Variants in GPR39 observed in about 807,000 individuals in gnomAD.
GPR39 encodes G protein-coupled receptor 39.
Under a neutral mutation model 18.4 loss-of-function variants are expected in GPR39, and 23 were observed. The observed-to-expected ratio is 1.25, with a 90% CI of 0.90 to 1.77. GPR39 has a LOEUF of 1.77. Ranked by LOEUF, GPR39 falls within the 40% of genes most tolerant of loss-of-function variation. The probability of loss-of-function intolerance (pLI) is 0.00; values close to 1 mark genes in which losing one functional copy is unlikely to be tolerated. For missense variants in GPR39, 647 were observed against 602.4 expected (o/e 1.07, Z -0.78); for synonymous variants, 280 against 257.9 (o/e 1.09, Z -0.82).
intron 1 of GPR39, among the ~76,000 whole-genome samples, chr2:132,556,348 A>G (rs538570868): frequency 6.6e-6 from 1 of 152,306 alleles, no homozygotes; most frequent in South Asian, 2.1e-4. Flanking sequence ...GCCAGTTTCC[A>G]TAGTGTAAAT....
intron 1 of GPR39, among the ~76,000 whole-genome samples, chr2:132,558,784 C>T (rs532428666): frequency 2.0e-4 from 31 of 152,196 alleles, no homozygotes; most frequent in African/African-American, 5.8e-4. Context: ...TTGGAAAGGA[C>T]GACTCCTAAG....
chr2:132,435,496 T>C (rs1228587321), intron 1 of GPR39, among the ~76,000 whole-genome samples: 1 of 152,214 alleles, frequency 6.6e-6, no homozygotes, highest in Non-Finnish European at 1.5e-5. Context: ...TTGTTATTGG[T>C]AAGGCTTCCA....
In GPR39 at chr2:132,417,749, T is replaced by C. The variant is rs1679936265; in HGVS notation, c.707T>C (p.Leu236Pro). The part of the protein sequence containing the change: ...GAFVVYLVVL[L>P]SVAFMCWNMM... ...TTCGTGGTCTACCTCGTGGTCCTGC[T>C]CTCCGTAGCCTTCATGTGCTGGAAC... Residue 236 changes from leucine (L) to proline (P), a missense_variant, in exon 1 of 2, where the codon CTC becomes CCC. Physicochemically the swap from Leu to Pro is moderately conservative, Grantham distance 98. Coordinates refer to ENST00000329321, the MANE Select transcript of GPR39 (RefSeq NM_001508.3). 1 of 1,614,152 alleles carries C rather than the reference T, an allele frequency of 6.2e-7. No homozygotes were observed. Among genetic ancestry groups the C allele is most frequent in the Non-Finnish European group, 8.5e-7 (1 of 1,180,032 alleles).
At chr2:132,597,192 AG>A (rs1388200711) in intron 1 of GPR39, among the ~76,000 whole-genome samples, 4 of 152,178 alleles carry the variant, frequency 2.6e-5, no homozygotes, top group African/African-American at 7.2e-5. Context: ...TAGACACCCA[AG>A]TGGAAAGCTG....
intron 1 of GPR39, among the ~76,000 whole-genome samples, chr2:132,541,267 A>G (rs866172320): frequency 1.7e-4 from 26 of 152,164 alleles, no homozygotes; most frequent in Middle Eastern, 3.4e-3. Flanking sequence ...TATTTTTAGT[A>G]GAGACAGGAT....
At chr2:132,582,827 A>G (rs1043527579) in intron 1 of GPR39, among the ~76,000 whole-genome samples, 2 of 151,568 alleles carry the variant, frequency 1.3e-5, no homozygotes, top group Non-Finnish European at 2.9e-5. Flanking sequence ...GTTGCAACCC[A>G]TTTGTGACTT....
rs1682037192 is a variant in GPR39 at position 132,645,797 on chromosome 2, C to T, written c.*191C>T. ...CAGCCTGGCCTTGACTCCGGTTACA[C>T]AGACATGGGGGTGAACTTTCACTCC... is the stretch of plus-strand genomic sequence containing the variant. On this transcript the variant is annotated 3_prime_UTR_variant, in exon 2 of 2. Coordinates refer to ENST00000329321, the MANE Select transcript of GPR39 (RefSeq NM_001508.3). The T allele has an allele frequency of 3.8e-6, 3 of 792,188 alleles. No homozygotes were observed. Among genetic ancestry groups the T allele is most frequent in the Non-Finnish European group, 5.8e-6 (3 of 513,268 alleles). The allele number at this position is 792,188 out of a possible 1,614,324, so 49.1% of individuals were successfully genotyped here.
At chr2:132,509,385 G>A (rs1366858542) in intron 1 of GPR39, among the ~76,000 whole-genome samples, 1 of 152,072 alleles carries the variant, frequency 6.6e-6, no homozygotes, top group Non-Finnish European at 1.5e-5. Context: ...TGATAAATTT[G>A]ATATTTCTCC....
At chr2:132,427,918 A>T (rs3035851) in intron 1 of GPR39, among the ~76,000 whole-genome samples, 4 of 128,768 alleles carry the variant, frequency 3.1e-5, no homozygotes, top group South Asian at 4.6e-4. Context: ...ATTATATTTA[A>T]ATATATATAT....
intron 1 of GPR39, among the ~76,000 whole-genome samples, chr2:132,641,536 C>A (rs1573713978): frequency 6.6e-6 from 1 of 152,118 alleles, no homozygotes; most frequent in African/African-American, 2.4e-5. Flanking sequence ...GTGTCTCTTC[C>A]CAACTGAGGC....
At chr2:132,588,261 C>A (rs1039667666) in intron 1 of GPR39, among the ~76,000 whole-genome samples, 7 of 152,206 alleles carry the variant, frequency 4.6e-5, no homozygotes, top group Non-Finnish European at 8.8e-5. Flanking sequence ...GTTCTCTTCG[C>A]ACTTGCACCT....
intron 1 of GPR39, among the ~76,000 whole-genome samples, chr2:132,513,690 G>A (rs1260176017): frequency 6.6e-6 from 1 of 152,228 alleles, no homozygotes; most frequent in African/African-American, 2.4e-5. Context: ...CAGCTTAAGA[G>A]TATCTTTTCA....
intron 1 of GPR39, among the ~76,000 whole-genome samples, chr2:132,634,099 AG>A (rs1558865910): frequency 4.2e-5 from 6 of 143,626 alleles, no homozygotes; most frequent in African/African-American, 1.8e-4. Context: ...GTGGTGATGG[AG>A]GGTGATGATG....
chr2:132,435,633 C>T (rs185896784), intron 1 of GPR39, among the ~76,000 whole-genome samples: 373 of 152,208 alleles, frequency 2.5e-3, no homozygotes, highest in Admixed American at 8.4e-3. Context: ...ACTGTAGTTG[C>T]CTATAGTGAC....
intron 1 of GPR39, among the ~76,000 whole-genome samples, chr2:132,536,081 G>A (rs1043636935): frequency 6.7e-6 from 1 of 149,472 alleles, no homozygotes; most frequent in South Asian, 2.1e-4. Flanking sequence ...TTCAGTTCTG[G>A]TCTGATCTTA....
chr2:132,607,983 C>A (rs1027868240), intron 1 of GPR39, among the ~76,000 whole-genome samples: 1 of 152,060 alleles, frequency 6.6e-6, no homozygotes, highest in Non-Finnish European at 1.5e-5. Flanking sequence ...CAGAGCAATT[C>A]TCTGGTTTTG....
chr2:132,470,794 C>G (rs1173606357), intron 1 of GPR39, among the ~76,000 whole-genome samples: 2 of 152,022 alleles, frequency 1.3e-5, no homozygotes, highest in African/African-American at 4.8e-5. Context: ...GTGTCAGCTG[C>G]ATTTGTCCAG....
chr2:132,615,666 C>T (rs185671687), intron 1 of GPR39, among the ~76,000 whole-genome samples: 1 of 152,338 alleles, frequency 6.6e-6, no homozygotes, highest in Admixed American at 6.5e-5. Context: ...AATAAATACA[C>T]TTCTCTAGCA....
At chr2:132,437,330 A>G (rs1680343623) in intron 1 of GPR39, among the ~76,000 whole-genome samples, 1 of 152,232 alleles carries the variant, frequency 6.6e-6, no homozygotes. Context: ...GTTTATGATC[A>G]TGAGTAAGTC....
Sources: allele counts gnomAD v4.1 joint callset (sites outside exome capture counted in the v4.1 genomes callset), GRCh38; gene constraint gnomAD v4.1.1; transcripts MANE v1.5; gene names NCBI Gene and HGNC (gene_info 2026-07-23, HGNC 2026-07-21).